The following KCNK3 variants were observed in gnomAD, a reference collection of about 807,000 sequenced individuals.
KCNK3 encodes the protein potassium two pore domain channel subfamily K member 3.
Under a neutral mutation model 27.3 loss-of-function variants are expected in KCNK3, and 9 were observed. The observed-to-expected ratio is 0.33, with a 90% confidence interval of 0.20 to 0.57. KCNK3 has a LOEUF of 0.57. Among genes scored for constraint, KCNK3 ranks in the 20% least tolerant of loss-of-function variants. The pLI, the probability that KCNK3 is intolerant of heterozygous loss-of-function variation, is 0.87. For synonymous variants in KCNK3, 278 were observed against 273.8 expected, an observed-to-expected ratio of 1.02 and a Z score of -0.15; for missense variants, 391 against 577.7, an observed-to-expected ratio of 0.68 and a Z score of 3.31.
intron 1 of KCNK3, among the ~76,000 whole-genome samples, chr2:26,715,740 C>T (rs766619436): frequency 1.3e-5 from 2 of 152,222 alleles, no homozygotes; most frequent in African/African-American, 2.4e-5. Context: ...CCTGCCCCTC[C>T]GCTTCAGCTG....
intron 1 of KCNK3, among the ~76,000 whole-genome samples, chr2:26,716,140 C>T (rs536797132): frequency 9.9e-5 from 15 of 152,244 alleles, no homozygotes; most frequent in African/African-American, 2.6e-4. Context: ...TGAAGAGTCC[C>T]GGGGCAGCCA....
chr2:26,709,579 A>C (rs1207154113), intron 1 of KCNK3, among the ~76,000 whole-genome samples: 1 of 152,194 alleles, frequency 6.6e-6, no homozygotes, highest in East Asian at 1.9e-4. Flanking sequence ...AAGCAGTGCA[A>C]CATTCAACAG....
At position 26,705,060 on chromosome 2, in the gene KCNK3, G is replaced by C. The variant is rs552143794; in HGVS notation, c.283+11902G>C. Among the ~76,000 whole-genome samples the C allele has an allele frequency of 5.3e-5, 8 of 152,148 alleles. No homozygotes were observed. The East Asian group carries it at 1.5e-3, about 29-fold the overall frequency. Reference sequence around the variant, plus strand: ...GCTCACTGCAGCCTCGACTTCCCTGGCTCAAATGACCCTCCCACCTCAGCC... The same window carrying C: ...GCTCACTGCAGCCTCGACTTCCCTGCCTCAAATGACCCTCCCACCTCAGCC... On this transcript the variant is annotated intron_variant, in intron 1 of 1. Transcript: ENST00000302909.
intron 1 of KCNK3, among the ~76,000 whole-genome samples, chr2:26,694,518 C>G (rs992068279): frequency 2.0e-5 from 3 of 152,180 alleles, no homozygotes; most frequent in Non-Finnish European, 2.9e-5. Context: ...CTACGGCTCC[C>G]TGGGGACCAT....
rs555644785 is a variant in KCNK3, at chr2:26,732,782, A to T, written c.*4214A>T. ...TAGCTTGTTTTTGAGGTTGGCAATG[A>T]CCAGTTCAAGGTGACTCTTATTTTC... On this transcript the variant is annotated 3_prime_UTR_variant, in exon 2 of 2. Coordinates refer to ENST00000302909, the MANE Select transcript of KCNK3 (RefSeq NM_002246.3). The T allele has an allele frequency of 4.7e-4, 72 of 152,406 alleles. No individual in the cohort carries two copies. Among genetic ancestry groups the T allele is most frequent in the African/African-American group, 1.7e-3 (71 of 41,590 alleles). The allele number at this position is 152,406 out of a possible 1,614,324, so 9.4% of individuals were successfully genotyped here.
At chr2:26,707,253 C>T (rs1406760378) in intron 1 of KCNK3, among the ~76,000 whole-genome samples, 4 of 152,194 alleles carry the variant, frequency 2.6e-5, no homozygotes, top group Non-Finnish European at 2.9e-5. Flanking sequence ...CAGCTGCTCA[C>T]GGCTCCCACA....
rs1663555761 is a variant in KCNK3 at position 26,732,331 on chromosome 2, T to C, written c.*3763T>C. ...ATACGTTCTGTTCTATTGCATGTTATAAAATGCTGGTCACGATCCACTAAA... is the reference window on the plus strand; with the variant it reads ...ATACGTTCTGTTCTATTGCATGTTACAAAATGCTGGTCACGATCCACTAAA... On this transcript the variant is annotated 3_prime_UTR_variant, in exon 2 of 2. Coordinates refer to ENST00000302909, the MANE Select transcript of KCNK3 (RefSeq NM_002246.3). 1 of 152,234 alleles carries C rather than the reference T, an allele frequency of 6.6e-6. No individual in the cohort carries two copies. The highest frequency in any genetic ancestry group is 2.4e-5 in the African/African-American group (1 of 41,452). The allele number at this position is 152,234 out of a possible 1,614,324, so 9.4% of individuals were successfully genotyped here.
At position 26,728,424 on chromosome 2, in the gene KCNK3, G is replaced by A. The variant is rs766585282; in HGVS notation, c.1041G>A (p.Pro347=). ...GCGTGGAGCAGAGCCACTCGTCGCC[G>A]GGAGGGGGCGGCCGCTACAGCGACA... ...DTCVEQSHSS[P]GGGGRYSDTP... is the part of the protein sequence containing the mutation. Residue 347 remains proline, a synonymous_variant, in exon 2 of 2, where the codon CCG becomes CCA. Transcript: ENST00000302909. The A allele has an allele frequency of 3.8e-6, 6 of 1,592,530 alleles. No individual in the cohort carries two copies. In the Admixed American group the frequency reaches 5.1e-5, roughly 14 times the overall value.
chr2:26,724,932 G>A (rs1663387284), intron 1 of KCNK3, among the ~76,000 whole-genome samples: 1 of 152,104 alleles, frequency 6.6e-6, no homozygotes, highest in Admixed American at 6.5e-5. Context: ...CTAAGGACGG[G>A]TCTCTGGGGT....
intron 1 of KCNK3, among the ~76,000 whole-genome samples, chr2:26,695,485 G>T (rs758149788): frequency 3.9e-5 from 6 of 152,210 alleles, no homozygotes; most frequent in African/African-American, 7.2e-5. Flanking sequence ...GACAACTGCA[G>T]GTCTCACTGT....
intron 1 of KCNK3, among the ~76,000 whole-genome samples, chr2:26,718,782 GTT>G (rs35266716): frequency 6.6e-6 from 1 of 151,518 alleles, no homozygotes; most frequent in Non-Finnish European, 1.5e-5. Flanking sequence ...CTAATTTTTC[GTT>G]TTTTTCTAGA....
intron 1 of KCNK3, among the ~76,000 whole-genome samples, chr2:26,717,766 G>A (rs1409692392): frequency 1.3e-5 from 2 of 152,094 alleles, no homozygotes; most frequent in Admixed American, 6.5e-5. Flanking sequence ...AGGATAACTG[G>A]CTGGTGGTGT....
intron 1 of KCNK3, among the ~76,000 whole-genome samples, chr2:26,699,502 A>G (rs961007549): frequency 2.6e-5 from 4 of 152,274 alleles, no homozygotes; most frequent in Non-Finnish European, 4.4e-5. Context: ...AGATGAATGT[A>G]GTGCAAATCA....
chr2:26,704,405 C>T (rs975008219), intron 1 of KCNK3, among the ~76,000 whole-genome samples: 1 of 152,196 alleles, frequency 6.6e-6, no homozygotes, highest in East Asian at 1.9e-4. Flanking sequence ...GGATCCCAAG[C>T]GTACCCTCCT....
intron 1 of KCNK3, among the ~76,000 whole-genome samples, chr2:26,708,328 C>A (rs891522411): frequency 6.6e-6 from 1 of 152,040 alleles, no homozygotes; most frequent in African/African-American, 2.4e-5. Flanking sequence ...GGAGAAGAGG[C>A]AGAAATCTGT....
At chr2:26,726,992 G>A (rs941506752) in intron 1 of KCNK3, among the ~76,000 whole-genome samples, 1 of 152,206 alleles carries the variant, frequency 6.6e-6, no homozygotes, top group African/African-American at 2.4e-5. Context: ...CTTGCAGGGA[G>A]GGGCAGGCAG....
In KCNK3 at chr2:26,727,885, A is replaced by G. The variant is rs934654684; in HGVS notation, c.502A>G (p.Ile168Val). Residue 168 changes from isoleucine (I) to valine (V), a missense_variant, in exon 2 of 2, where the codon ATC (isoleucine) becomes GTC (valine). Ile to Val is a conservative substitution (Grantham distance 29). This residue lies in a region of KCNK3 where 158 missense variants were observed against 267.7 expected (regional missense o/e 0.59). Coordinates refer to ENST00000302909, the MANE Select transcript of KCNK3 (RefSeq NM_002246.3). ...NMVLIGFFSC[I>V]STLCIGAAAF... ...GGTGCTCATCGGCTTCTTCTCGTGC[A>G]TCAGCACGCTGTGCATCGGCGCCGC... 1.9e-6 allele frequency: 3 copies of G among 1,614,114 alleles called. No individual in the cohort carries two copies. The highest frequency in any genetic ancestry group is 2.5e-6 in the Non-Finnish European group (3 of 1,180,052).
At position 26,728,454 on chromosome 2, in the gene KCNK3, C is replaced by A. The variant is rs1663472765; in HGVS notation, c.1071C>A (p.Pro357=). ...PGGGGRYSDT[P]SRRCLCSGAP... is the part of the protein sequence containing the mutation. ...GGGGCGGCCGCTACAGCGACACGCC[C>A]TCGCGACGCTGCCTGTGCAGCGGGG... Residue 357 remains proline, a synonymous_variant, in exon 2 of 2, where the codon CCC becomes CCA. Transcript: ENST00000302909. 3 of 1,576,244 alleles carry A rather than the reference C, an allele frequency of 1.9e-6. No individual in the cohort carries two copies. The highest frequency in any genetic ancestry group is 2.6e-6 in the Non-Finnish European group (3 of 1,158,176).
Position 26,721,134 on chromosome 2 carries a change from A to G in KCNK3, c.284-6533A>G, listed in dbSNP as rs1322282975. On this transcript the variant is annotated intron_variant, in intron 1 of 1. Transcript: ENST00000302909. This position sits in a 1 kb window ranked among gnomAD's most constrained non-coding sequence, Gnocchi z 4.3. ...AGACCTCAGAGTCCTTCAGAACTGG[A>G]GCCTCTGGGTTCTGCAGCCCTCCCA... 6.6e-5 allele frequency among the ~76,000 whole-genome samples: 10 copies of G among 152,080 alleles called. No individual in the cohort carries two copies. The highest frequency in any genetic ancestry group is 1.5e-4 in the Non-Finnish European group (10 of 67,998).
Sources: gnomAD v4.1 joint callset for allele counts (sites outside exome capture counted in the v4.1 genomes callset) on GRCh38, gnomAD v4.1.1 for gene constraint, gnomAD v4.1.1 regional missense constraint, Gnocchi (gnomAD v3.1) non-coding constraint, MANE v1.5 for transcripts, NCBI Gene and HGNC (gene_info 2026-07-23, HGNC 2026-07-21) for gene names.